Variants in NCOR2 observed in about 807,000 individuals in gnomAD.
NCOR2 encodes the protein CTG repeat protein 26.
Under a neutral mutation model 262.9 loss-of-function variants are expected in NCOR2, and 81 were observed. The observed-to-expected ratio is 0.31, with a 90% confidence interval of 0.26 to 0.37. NCOR2 has a LOEUF of 0.37. Among genes scored for constraint, NCOR2 ranks in the 10% least tolerant of loss-of-function variants. The pLI, the probability that NCOR2 is intolerant of heterozygous loss-of-function variation, is 1.00. For missense variants in NCOR2, 3,385 were observed against 3,621.4 expected (o/e 0.93, Z 1.68); for synonymous variants, 1,659 against 1,559.3 (o/e 1.06, Z -1.51).
chr12:124,438,856 CAGAGACCCAGAGACAGAGGAAG>C (rs151227870), intron 7 of NCOR2, among the ~76,000 whole-genome samples: 1 of 149,166 alleles, frequency 6.7e-6, no homozygotes, highest in Non-Finnish European at 1.5e-5. Flanking sequence ...CAGAGGGAGA[CAGAGACCCAGAGACAGAGGAAG>C]ACAGAGACCC....
chr12:124,384,480 G>A (rs547768436), intron 17 of NCOR2, among the ~76,000 whole-genome samples: 80 of 152,314 alleles, frequency 5.3e-4, no homozygotes, highest in Middle Eastern at 6.8e-3. Flanking sequence ...TGAGGCCAGA[G>A]GGTGGATCTC....
intron 12 of NCOR2, among the ~76,000 whole-genome samples, chr12:124,422,285 C>T (rs2043251080): frequency 1.3e-5 from 2 of 152,208 alleles, no homozygotes; most frequent in African/African-American, 4.8e-5. Flanking sequence ...ACCTGAGGCT[C>T]CTCCTCCATG....
chr12:124,347,973 AG>A, intron 29 of NCOR2, 62 bp from the exon 32 acceptor site: 3 of 1,518,656 alleles, frequency 2.0e-6, no homozygotes, highest in South Asian at 1.2e-5. Flanking sequence ...GGGCAGTGAC[AG>A]GGGTCAGTGT....
At chr12:124,339,219 A>ACCCCCCCCCCCCCCCCCCCC (rs1555300759) in intron 37 of NCOR2, among the ~76,000 whole-genome samples, 3 of 63,316 alleles carry the variant, frequency 4.7e-5, no homozygotes, top group Admixed American at 2.0e-4. Context: ...TCTACCTACC[A>ACCCCCCCCCCCCCCCCCCCC]CCCACCCACC....
At chr12:124,442,508 T>G (rs937479091) in intron 7 of NCOR2, among the ~76,000 whole-genome samples, 3 of 152,218 alleles carry the variant, frequency 2.0e-5, no homozygotes, top group African/African-American at 4.8e-5. Flanking sequence ...GTGACGTGTG[T>G]GGGGGAACTC....
intron 31 of NCOR2, among the ~76,000 whole-genome samples, chr12:124,346,318 A>C (rs1881074): frequency 0.81 from 123,818 of 152,196 alleles, 50,558 homozygotes; most frequent in Middle Eastern, 0.87. Flanking sequence ...CCTCTCTGGG[A>C]CTCAGTTTCC....
intron 22 of NCOR2, among the ~76,000 whole-genome samples, chr12:124,360,215 C>T (rs866557709): frequency 3.9e-5 from 6 of 152,222 alleles, no homozygotes; most frequent in Non-Finnish European, 7.3e-5. Flanking sequence ...AAACCTGCAA[C>T]GTCTCCCAGA....
chr12:124,398,232 T>C (rs752373460), intron 15 of NCOR2, 51 bp from the exon 18 acceptor site: 1 of 1,594,948 alleles, frequency 6.3e-7, no homozygotes, highest in Non-Finnish European at 8.6e-7. Flanking sequence ...GGAGGCACTT[T>C]GCCTTCTGCC....
intron 43 of NCOR2, 194 bp downstream of exon 45, chr12:124,332,125 G>A: frequency 3.1e-6 from 2 of 635,336 alleles, no homozygotes; most frequent in Non-Finnish European, 5.4e-6. Context: ...CCTATGGAAA[G>A]CCCAGCAAAT....
intron 33 of NCOR2, 108 bp from the exon 36 acceptor site, chr12:124,342,182 C>A: frequency 7.5e-7 from 1 of 1,335,774 alleles, no homozygotes; most frequent in Non-Finnish European, 1.0e-6. Context: ...GCTTCTCCCA[C>A]CTACATGTGT....
rs370431765 is a variant in NCOR2, at chr12:124,401,992, C to T, written c.1640+412G>A. ...TCGATGATTCTAAAGGTGACAGCAG[C>T]CGCCTGCACACCTAGTCCTTCCAGG... On this transcript the variant is annotated intron_variant, in intron 14 of 46. Transcript: ENST00000405201. Among the ~76,000 whole-genome samples the T allele has an allele frequency of 1.4e-3, 216 of 152,302 alleles. 2 individuals carry two copies. The highest frequency in any genetic ancestry group is 4.8e-3 in the African/African-American group (198 of 41,578).
chr12:124,357,130 G>A (rs897344404), intron 22 of NCOR2, among the ~76,000 whole-genome samples: 40 of 152,320 alleles, frequency 2.6e-4, no homozygotes, highest in Non-Finnish European at 5.0e-4. Flanking sequence ...GGTGGCAAAT[G>A]GTATCTCAGA....
At chr12:124,557,138 G>C (rs1486275792) in intron 1 of NCOR2, among the ~76,000 whole-genome samples, 1 of 152,198 alleles carries the variant, frequency 6.6e-6, no homozygotes, top group Non-Finnish European at 1.5e-5. Flanking sequence ...TCCTGCCCTG[G>C]GTTTTACAGG....
chr12:124,405,184 CTA>C (rs2042212554), intron 13 of NCOR2, among the ~76,000 whole-genome samples: 1 of 152,208 alleles, frequency 6.6e-6, no homozygotes, highest in African/African-American at 2.4e-5. Flanking sequence ...ACGTCACCCC[CTA>C]TGTCTCCATA....
intron 1 of NCOR2, among the ~76,000 whole-genome samples, chr12:124,546,722 G>A (rs2051556482): frequency 6.6e-6 from 1 of 151,888 alleles, no homozygotes; most frequent in Admixed American, 6.6e-5. Context: ...CAATTCCTAA[G>A]TTTTAAATTG....
At chr12:124,359,493 C>T (rs755066830) in intron 22 of NCOR2, among the ~76,000 whole-genome samples, 4 of 152,226 alleles carry the variant, frequency 2.6e-5, no homozygotes, top group Non-Finnish European at 4.4e-5. Context: ...GGTGGGCAGC[C>T]CACAGGAGGC....
intron 14 of NCOR2, 133 bp from the exon 17 acceptor site, chr12:124,400,806 G>A (rs559565363): frequency 2.0e-4 from 237 of 1,178,724 alleles, no homozygotes; most frequent in Admixed American, 5.3e-4. Context: ...CTAGGAAAGA[G>A]GGGGAGAGGC....
intron 13 of NCOR2, among the ~76,000 whole-genome samples, chr12:124,406,419 G>A (rs1342830657): frequency 1.3e-5 from 2 of 152,160 alleles, no homozygotes; most frequent in Admixed American, 6.5e-5. Flanking sequence ...AAGCTGCCAC[G>A]GCTGGCCTCA....
intron 1 of NCOR2, among the ~76,000 whole-genome samples, chr12:124,494,260 G>A (rs947012985): frequency 7.2e-5 from 11 of 152,100 alleles, no homozygotes; most frequent in Non-Finnish European, 1.3e-4. Flanking sequence ...CACGGTGGCC[G>A]GCAGGGTCAG....
Sources: gnomAD v4.1 joint callset for allele counts (sites outside exome capture counted in the v4.1 genomes callset) on GRCh38, gnomAD v4.1.1 for gene constraint, MANE v1.5 for transcripts, NCBI Gene and HGNC (gene_info 2026-07-23, HGNC 2026-07-21) for gene names.